CPED1: variants seen among roughly 807,000 people sequenced by gnomAD.
CPED1 encodes the protein cadherin-like and PC-esterase domain-containing protein 1.
A neutral mutation model predicts 128.2 loss-of-function variants in CPED1; 114 were observed. That is an observed-to-expected ratio of 0.89 (90% confidence interval 0.76 to 1.04). The LOEUF is 1.04. CPED1 is among the 50% of genes least tolerant of loss of function. The pLI, the probability that CPED1 is intolerant of heterozygous loss-of-function variation, is 0.00. For synonymous variants in CPED1, 462 were observed against 426.7 expected (o/e 1.08, Z -1.02); for missense variants, 1,211 against 1,207.1 (o/e 1.00, Z -0.05).
chr7:121,156,339 T>C (rs576066712), intron 16 of CPED1, among the ~76,000 whole-genome samples: 51 of 152,142 alleles, frequency 3.4e-4, no homozygotes, highest in Admixed American at 5.9e-4. Context: ...CTGTTGAGTA[T>C]ATATCCAAAA....
intron 22 of CPED1, among the ~76,000 whole-genome samples, chr7:121,278,380 T>C (rs1197767475): frequency 6.6e-6 from 1 of 152,118 alleles, no homozygotes; most frequent in Non-Finnish European, 1.5e-5. Context: ...ATCATTTCTT[T>C]GCCCTCAGCT....
chr7:121,100,034 A>G lies in CPED1; in HGVS notation c.858A>G (p.Ala286=). The change falls in exon 7 of 23, where the codon GCA becomes GCG. Residue 286 remains alanine (A), a synonymous_variant. Coordinates refer to ENST00000310396, the MANE Select transcript of CPED1 (RefSeq NM_024913.5). ...TGACGTCCTTAACCCCTTTGCGTGCATTCATTCATTCGACGGGCACAGTTT... is the reference window on the plus strand; with the variant it reads ...TGACGTCCTTAACCCCTTTGCGTGCGTTCATTCATTCGACGGGCACAGTTT... The part of the protein sequence containing the change: ...VLVTSLTPLR[A]FIHSTGTVWN... 1 of 1,613,126 alleles carries G rather than the reference A, an allele frequency of 6.2e-7. No homozygotes were observed. The highest frequency in any genetic ancestry group is 8.5e-7 in the Non-Finnish European group (1 of 1,179,390).
At chr7:121,223,361 G>A (rs2116627771) in intron 16 of CPED1, among the ~76,000 whole-genome samples, 1 of 152,166 alleles carries the variant, frequency 6.6e-6, no homozygotes, top group East Asian at 1.9e-4. Flanking sequence ...TGGTTTGCCA[G>A]TATTTTATCG....
intron 22 of CPED1, among the ~76,000 whole-genome samples, chr7:121,275,100 G>A (rs1169692871): frequency 6.6e-6 from 1 of 152,058 alleles, no homozygotes; most frequent in Non-Finnish European, 1.5e-5. Flanking sequence ...CCTGAGAAGG[G>A]TTGGTATAAT....
chr7:121,214,896 C>T (rs1297544559), intron 16 of CPED1, among the ~76,000 whole-genome samples: 2 of 152,006 alleles, frequency 1.3e-5, no homozygotes, highest in Admixed American at 1.3e-4. Context: ...AATTATTCAG[C>T]TCTAAGTAAT....
chr7:121,266,557 G>A, intron 19 of CPED1, 110 bp downstream of exon 19: 6 of 1,197,480 alleles, frequency 5.0e-6, no homozygotes, highest in Non-Finnish European at 7.4e-6. Flanking sequence ...CAAAAGGTTA[G>A]ATACCAAGTA....
At chr7:121,201,039 G>A (rs1399370848) in intron 16 of CPED1, among the ~76,000 whole-genome samples, 1 of 152,088 alleles carries the variant, frequency 6.6e-6, no homozygotes, top group Non-Finnish European at 1.5e-5. Flanking sequence ...ACTGTAACAT[G>A]TGTGGGTGTT....
chr7:121,100,381 C>T (rs957601767), intron 7 of CPED1, among the ~76,000 whole-genome samples: 6 of 152,098 alleles, frequency 3.9e-5, no homozygotes, highest in Non-Finnish European at 8.8e-5. Flanking sequence ...CACAGCTATA[C>T]TCTGTTTTTC....
chr7:121,085,287 C>CTG (rs3068006), intron 5 of CPED1, among the ~76,000 whole-genome samples: 60,326 of 151,938 alleles, frequency 0.4, 12,511 homozygotes, highest in Middle Eastern at 0.55. Flanking sequence ...GCTGCTGAAA[C>CTG]AAACTGCTGG....
chr7:121,256,119 A>AC (rs1445725233), intron 18 of CPED1, among the ~76,000 whole-genome samples: 4 of 90,394 alleles, frequency 4.4e-5, no homozygotes, highest in African/African-American at 8.9e-5. Context: ...AGCAAAAAAA[A>AC]AAAACAAAAC....
Position 121,110,752 on chromosome 7 carries a change from G to A in CPED1, c.918+10658G>A, listed in dbSNP as rs191207404. Reference sequence around the variant, plus strand: ...GCCTCTAAAAGATAGTGAACAGGAGGCTATCATAATCTGATTTACTTTTTA... The same window carrying A: ...GCCTCTAAAAGATAGTGAACAGGAGACTATCATAATCTGATTTACTTTTTA... On this transcript the variant is annotated intron_variant, in intron 7 of 22. Coordinates refer to ENST00000310396, the MANE Select transcript of CPED1 (RefSeq NM_024913.5). Among the ~76,000 whole-genome samples the A allele has an allele frequency of 3.3e-5, 5 of 152,242 alleles. No individual in the cohort carries two copies. The East Asian group carries it at 9.7e-4, about 29-fold the overall frequency.
At chr7:121,079,753 G>T (rs1478346310) in intron 5 of CPED1, among the ~76,000 whole-genome samples, 1 of 152,184 alleles carries the variant, frequency 6.6e-6, no homozygotes, top group Non-Finnish European at 1.5e-5. Context: ...AAATTTCGAA[G>T]ACCCCAGTGT....
intron 16 of CPED1, among the ~76,000 whole-genome samples, chr7:121,236,236 C>A (rs1798251910): frequency 6.6e-6 from 1 of 152,136 alleles, no homozygotes; most frequent in South Asian, 2.1e-4. Flanking sequence ...ATGTTACCCA[C>A]TGTTGTAAAT....
intron 16 of CPED1, among the ~76,000 whole-genome samples, chr7:121,144,529 G>GT: frequency 6.6e-6 from 1 of 152,140 alleles, no homozygotes; most frequent in East Asian, 1.9e-4. Flanking sequence ...CATAGTCTGA[G>GT]TAGGGCAGTG....
At chr7:121,142,846 T>C (rs1198298998) in intron 16 of CPED1, among the ~76,000 whole-genome samples, 1 of 152,066 alleles carries the variant, frequency 6.6e-6, no homozygotes, top group African/African-American at 2.4e-5. Context: ...TTGGTATTTT[T>C]ATCACATATC....
At chr7:121,191,908 G>C (rs1467622393) in intron 16 of CPED1, among the ~76,000 whole-genome samples, 1 of 152,018 alleles carries the variant, frequency 6.6e-6, no homozygotes, top group East Asian at 1.9e-4. Context: ...TCAAAGTGTT[G>C]TTTGATCTCT....
intron 5 of CPED1, among the ~76,000 whole-genome samples, chr7:121,072,614 C>T (rs1008267756): frequency 1.3e-5 from 2 of 152,084 alleles, no homozygotes; most frequent in East Asian, 3.9e-4. Context: ...AAAGAAAGTA[C>T]CCCTAGAGTT....
At chr7:121,106,125 A>C (rs776357175) in intron 7 of CPED1, among the ~76,000 whole-genome samples, 1 of 152,142 alleles carries the variant, frequency 6.6e-6, no homozygotes, top group Non-Finnish European at 1.5e-5. Context: ...CTCATTAATA[A>C]TAACTTATTA....
intron 16 of CPED1, among the ~76,000 whole-genome samples, chr7:121,147,290 G>A (rs1317402649): frequency 6.6e-6 from 1 of 151,970 alleles, no homozygotes; most frequent in African/African-American, 2.4e-5. Flanking sequence ...TCATTAATCT[G>A]CCTTCTTTTC....
Sources: allele counts gnomAD v4.1 joint callset (sites outside exome capture counted in the v4.1 genomes callset), GRCh38; gene constraint gnomAD v4.1.1; transcripts MANE v1.5; gene names NCBI Gene and HGNC (gene_info 2026-07-23, HGNC 2026-07-21).